The following SRGAP1 variants were observed in gnomAD, a reference collection of about 807,000 sequenced individuals.
SRGAP1 encodes the protein SLIT-ROBO Rho GTPase activating protein 1.
A neutral mutation model predicts 121.9 loss-of-function variants in SRGAP1; 43 were observed. The ratio of observed to expected loss-of-function variants is 0.35; its 90% CI spans 0.28 to 0.46. SRGAP1 has a LOEUF of 0.46. Among genes scored for constraint, SRGAP1 ranks in the 20% least tolerant of loss-of-function variants. The probability of loss-of-function intolerance (pLI) is 1.00; values close to 1 mark genes in which losing one functional copy is unlikely to be tolerated. For missense variants in SRGAP1, 1,102 were observed against 1,350.9 expected, an observed-to-expected ratio of 0.82 and a Z score of 2.89; for synonymous variants, 447 against 485.4, an observed-to-expected ratio of 0.92 and a Z score of 1.04.
intron 1 of SRGAP1, among the ~76,000 whole-genome samples, chr12:63,929,737 T>C (rs749967111): frequency 3.3e-5 from 5 of 152,194 alleles, no homozygotes; most frequent in Non-Finnish European, 7.4e-5. Context: ...ACTAAAAAGA[T>C]CCATTTTCTT....
At chr12:63,884,910 C>T (rs188272366) in intron 1 of SRGAP1, among the ~76,000 whole-genome samples, 133 of 151,920 alleles carry the variant, frequency 8.8e-4, no homozygotes, top group African/African-American at 2.9e-3. Context: ...TTAGTAGAGA[C>T]GGGGTTTCAC....
intron 1 of SRGAP1, among the ~76,000 whole-genome samples, chr12:63,966,700 A>G (rs998735057): frequency 5.3e-5 from 8 of 152,178 alleles, no homozygotes; most frequent in Non-Finnish European, 1.2e-4. Context: ...CAGCATAGGA[A>G]AACAAGGGGT....
chr12:63,994,691 T>C (rs2033645169), intron 3 of SRGAP1, among the ~76,000 whole-genome samples: 6 of 152,232 alleles, frequency 3.9e-5, no homozygotes, highest in Admixed American at 3.9e-4. Flanking sequence ...TCTTAAGTTC[T>C]GCTTAGCTAT....
At chr12:64,123,923 C>G (rs2036647344) in intron 18 of SRGAP1, among the ~76,000 whole-genome samples, 1 of 152,016 alleles carries the variant, frequency 6.6e-6, no homozygotes, top group Non-Finnish European at 1.5e-5. Flanking sequence ...TTATTCGCCT[C>G]AAACATTATC....
At chr12:64,110,047 G>A (rs922372251) in intron 16 of SRGAP1, among the ~76,000 whole-genome samples, 5 of 152,026 alleles carry the variant, frequency 3.3e-5, no homozygotes, top group African/African-American at 4.8e-5. Flanking sequence ...AATCACCACT[G>A]GAAAAAAGCA....
chr12:64,043,558 C>A lies in SRGAP1; in HGVS notation c.784C>A (p.Leu262Ile), dbSNP rs746415823. ...ASVFKYYIHD[L>I]SDLIDCCDLG... ...AGTTTTCAAGTACTATATTCATGAT[C>A]TTTCTGATTTAATTGATGTGAGTAC... The change falls in exon 6 of 22, where the codon CTT becomes ATT. Residue 262 changes from leucine to isoleucine, a missense_variant. Leu to Ile is a conservative substitution (Grantham distance 5). Transcript: ENST00000355086. 3.1e-6 allele frequency: 5 copies of A among 1,606,794 alleles called. No homozygotes were observed. The South Asian group carries it at 4.5e-5, about 14-fold the overall frequency.
intron 21 of SRGAP1, among the ~76,000 whole-genome samples, chr12:64,137,647 A>C (rs2036876327): frequency 6.6e-6 from 1 of 152,236 alleles, no homozygotes; most frequent in African/African-American, 2.4e-5. Context: ...ACAGTGATTT[A>C]ATATCAGGAT....
chr12:63,992,557 G>A (rs2033582230), intron 3 of SRGAP1, among the ~76,000 whole-genome samples: 1 of 152,032 alleles, frequency 6.6e-6, no homozygotes, highest in Admixed American at 6.5e-5. Flanking sequence ...AATTCCCAGA[G>A]AGGGATCAGC....
intron 8 of SRGAP1, among the ~76,000 whole-genome samples, chr12:64,068,289 AAAAAAAAG>A (rs2035576537): frequency 8.9e-6 from 1 of 111,764 alleles, no homozygotes; most frequent in Non-Finnish European, 1.8e-5. Context: ...AAAAAAAAAA[AAAAAAAAG>A]TAGTAGGCAC....
chr12:63,986,397 TAAG>T, intron 2 of SRGAP1, among the ~76,000 whole-genome samples: 1 of 152,176 alleles, frequency 6.6e-6, no homozygotes, highest in East Asian at 1.9e-4. Flanking sequence ...CAGTTGTAAT[TAAG>T]AAGACAGCCC....
At position 64,017,527 on chromosome 12, in the gene SRGAP1, C is replaced by T. The variant is rs148741611; in HGVS notation, c.489+515C>T. ...AAAGGTAGCTGGGCATGGTGGGATGCGCCTGTAATCCCAGCTCTTTGGGAG... is the reference window on the plus strand; with the variant it reads ...AAAGGTAGCTGGGCATGGTGGGATGTGCCTGTAATCCCAGCTCTTTGGGAG... On this transcript the variant is annotated intron_variant, in intron 4 of 21. Transcript: ENST00000355086. Among the ~76,000 whole-genome samples the T allele has an allele frequency of 6.9e-4, 104 of 151,822 alleles. 1 individual carries two copies. The East Asian group carries it at 0.015, about 22-fold the overall frequency.
intron 1 of SRGAP1, among the ~76,000 whole-genome samples, chr12:63,855,950 G>A (rs959070670): frequency 1.3e-5 from 2 of 151,848 alleles, no homozygotes; most frequent in African/African-American, 4.8e-5. Flanking sequence ...TGTAGCTTGT[G>A]TTTTCACTTT....
Position 64,150,930 on chromosome 12 carries a change from ATC to A in SRGAP1, c.*8261_*8262del, listed in dbSNP as rs1343689276. On this transcript the variant is annotated 3_prime_UTR_variant, in exon 22 of 22. Transcript: ENST00000355086. ...AACCTGGGTGGAAGAGTGAGAAGCT[ATC>A]TCAAAAAAAAAAAAAAAAAAAAAAA... The A allele has an allele frequency of 1.5e-5, 2 of 135,852 alleles. No individual in the cohort carries two copies. The highest frequency in any genetic ancestry group is 2.9e-5 in the African/African-American group (1 of 33,900). 8.4% of individuals were successfully genotyped at this position (135,852 alleles called of 1,614,324 possible). A position where few individuals can be genotyped will look rare whatever the true frequency, so the allele number is the denominator to read the frequency against.
intron 1 of SRGAP1, among the ~76,000 whole-genome samples, chr12:63,963,535 G>A (rs749487520): frequency 3.3e-5 from 5 of 152,062 alleles, no homozygotes; most frequent in African/African-American, 4.8e-5. Context: ...TCATTTCTTC[G>A]TGTTGGGAAC....
chr12:64,063,303 C>T (rs2035482791), intron 7 of SRGAP1, among the ~76,000 whole-genome samples, 165 bp downstream of exon 7: 2 of 152,184 alleles, frequency 1.3e-5, no homozygotes, highest in Non-Finnish European at 2.9e-5. Flanking sequence ...CCTTTTAAAG[C>T]AAACGTCAAA....
intron 1 of SRGAP1, among the ~76,000 whole-genome samples, chr12:63,863,724 TTAAAA>T (rs1337597379): frequency 6.6e-6 from 1 of 152,234 alleles, no homozygotes; most frequent in Non-Finnish European, 1.5e-5. Context: ...ATCTGTATTG[TTAAAA>T]TAAAAACTTT....
At chr12:64,009,413 C>G (rs2034187143) in intron 3 of SRGAP1, among the ~76,000 whole-genome samples, 1 of 152,130 alleles carries the variant, frequency 6.6e-6, no homozygotes, top group South Asian at 2.1e-4. Context: ...CTTGTTTCAT[C>G]TACTTTATTT....
At chr12:63,922,528 C>T (rs914584203) in intron 1 of SRGAP1, among the ~76,000 whole-genome samples, 1 of 152,210 alleles carries the variant, frequency 6.6e-6, no homozygotes, top group Non-Finnish European at 1.5e-5. Flanking sequence ...CAGACAAAGT[C>T]TTAGTTCTTT....
intron 6 of SRGAP1, among the ~76,000 whole-genome samples, chr12:64,054,329 T>C (rs1263166292): frequency 6.6e-6 from 1 of 152,246 alleles, no homozygotes; most frequent in African/African-American, 2.4e-5. Context: ...AGATTGAAAT[T>C]AGATTACATC....
Sources: allele counts gnomAD v4.1 joint callset (sites outside exome capture counted in the v4.1 genomes callset), GRCh38; gene constraint gnomAD v4.1.1; transcripts MANE v1.5; gene names NCBI Gene and HGNC (gene_info 2026-07-23, HGNC 2026-07-21).